The following CASQ2 variants were observed in gnomAD, a reference collection of about 807,000 sequenced individuals.
The protein encoded by CASQ2 is calsequestrin-2.
A neutral mutation model predicts 46.5 loss-of-function variants in CASQ2; 49 were observed. The ratio of observed to expected loss-of-function variants is 1.05; its 90% confidence interval spans 0.84 to 1.34. The LOEUF (loss-of-function observed/expected upper bound fraction) is 1.34, where lower values mean the gene tolerates loss of function less well. Ranked by LOEUF, CASQ2 falls within the 40% of genes most tolerant of loss-of-function variation. The pLI, the probability that CASQ2 is intolerant of heterozygous loss-of-function variation, is 0.00. For missense variants in CASQ2, 486 were observed against 481.3 expected, an observed-to-expected ratio of 1.01 and a Z score of -0.09; for synonymous variants, 174 against 168.5, an observed-to-expected ratio of 1.03 and a Z score of -0.25.
chr1:115,714,443 AG>A (rs1407689036), intron 8 of CASQ2, among the ~76,000 whole-genome samples: 1 of 152,192 alleles, frequency 6.6e-6, no homozygotes, highest in Admixed American at 6.5e-5. Context: ...GTGCTAAATA[AG>A]GTCATCTACA....
intron 8 of CASQ2, among the ~76,000 whole-genome samples, chr1:115,709,472 C>G (rs1654473648): frequency 6.6e-6 from 1 of 152,104 alleles, no homozygotes; most frequent in Non-Finnish European, 1.5e-5. Flanking sequence ...GTAATATAGC[C>G]TATACTTCAA....
intron 8 of CASQ2, among the ~76,000 whole-genome samples, chr1:115,707,274 G>A (rs1293755451): frequency 1.3e-5 from 2 of 152,154 alleles, no homozygotes; most frequent in Non-Finnish European, 1.5e-5. Context: ...AAGTGATCCT[G>A]CCTCAGCTTT....
intron 6 of CASQ2, 118 bp from the exon 7 acceptor site, chr1:115,725,671 G>A (rs1647559837): frequency 7.7e-7 from 1 of 1,303,120 alleles, no homozygotes; most frequent in Admixed American, 2.3e-5. Flanking sequence ...CCTTTGCAAG[G>A]CAGGGAGAGC....
chr1:115,755,214 A>G (rs1335102173), intron 1 of CASQ2, among the ~76,000 whole-genome samples: 2 of 152,250 alleles, frequency 1.3e-5, no homozygotes, highest in East Asian at 3.8e-4. Flanking sequence ...GAATTTTTAA[A>G]GAGTGAATTT....
chr1:115,706,963 T>G (rs1654383167), intron 8 of CASQ2, among the ~76,000 whole-genome samples: 1 of 152,152 alleles, frequency 6.6e-6, no homozygotes, highest in Non-Finnish European at 1.5e-5. Flanking sequence ...TAGCTCACAC[T>G]GAAGATTCAG....
intron 8 of CASQ2, among the ~76,000 whole-genome samples, chr1:115,716,743 G>A (rs1424809273): frequency 6.6e-6 from 1 of 152,212 alleles, no homozygotes; most frequent in Non-Finnish European, 1.5e-5. Context: ...GGCAGCAATC[G>A]TGAAGCTGGC....
In CASQ2 at chr1:115,719,256, T is replaced by C. The variant is rs1647288000; in HGVS notation, c.784-1362A>G. 4.1e-5 allele frequency among the ~76,000 whole-genome samples: 5 copies of C among 121,800 alleles called. No individual in the cohort carries two copies. The South Asian group carries it at 1.4e-3, about 34-fold the overall frequency. 79.9% of individuals were successfully genotyped at this position (121,800 alleles called of 152,430 possible). On this transcript the variant is annotated intron_variant, in intron 7 of 10. Coordinates refer to ENST00000261448, the MANE Select transcript of CASQ2 (RefSeq NM_001232.4). ...AGATACGCATGTGTGTGCCTGTGTG[T>C]GCCGGCTTATTACACAAATCGACAG...
At chr1:115,705,349 G>T in intron 8 of CASQ2, 57 bp from the exon 9 acceptor site, 1 of 1,105,898 alleles carries the variant, frequency 9.0e-7, no homozygotes, top group Non-Finnish European at 1.4e-6. Context: ...CTTCTAATGT[G>T]GAGAGCAGAG....
At chr1:115,707,344 C>A (rs972451103) in intron 8 of CASQ2, among the ~76,000 whole-genome samples, 2 of 152,188 alleles carry the variant, frequency 1.3e-5, no homozygotes, top group African/African-American at 2.4e-5. Context: ...GTCTTTATGG[C>A]CGGTGGCCAC....
intron 8 of CASQ2, among the ~76,000 whole-genome samples, chr1:115,714,910 T>G (rs1570804895): frequency 6.6e-6 from 1 of 152,310 alleles, no homozygotes; most frequent in African/African-American, 2.4e-5. Flanking sequence ...CCAGGGATAT[T>G]TGTGCAGGGA....
At chr1:115,743,000 G>A (rs1648244577) in intron 2 of CASQ2, among the ~76,000 whole-genome samples, 1 of 151,954 alleles carries the variant, frequency 6.6e-6, no homozygotes, top group Admixed American at 6.6e-5. Context: ...GTGTTAGCCA[G>A]GATGGTCTCG....
chr1:115,759,444 T>C (rs1190400307), intron 1 of CASQ2, among the ~76,000 whole-genome samples: 1 of 152,230 alleles, frequency 6.6e-6, no homozygotes, highest in Non-Finnish European at 1.5e-5. Flanking sequence ...CATGATTTCC[T>C]TGCCCACTCC....
rs1553193975 is a variant in CASQ2, at chr1:115,723,321, C to CTATCTATT, written c.783+2186_783+2187insAATAGATA. Among the ~76,000 whole-genome samples the CTATCTATT allele has an allele frequency of 7.2e-5, 11 of 151,898 alleles. No homozygotes were observed. The South Asian group carries it at 1.0e-3, about 14-fold the overall frequency. ...TCTATCTATTTATCTATCTATCTAT[C>CTATCTATT]TATCTATCTATCTATCATCTATCTA... On this transcript the variant is annotated intron_variant, in intron 7 of 10. Transcript: ENST00000261448.
chr1:115,752,921 C>A (rs1648631820), intron 1 of CASQ2, among the ~76,000 whole-genome samples: 1 of 152,148 alleles, frequency 6.6e-6, no homozygotes, highest in South Asian at 2.1e-4. Context: ...GAAAAAGTGA[C>A]ACGTGCAGGT....
intron 7 of CASQ2, among the ~76,000 whole-genome samples, chr1:115,724,197 T>A (rs1647489050): frequency 1.3e-5 from 2 of 152,242 alleles, no homozygotes; most frequent in East Asian, 3.8e-4. Context: ...TGGCTTATAT[T>A]TAAGTTCCAA....
chr1:115,766,872 TA>T (rs757055415), intron 1 of CASQ2, among the ~76,000 whole-genome samples: 9 of 110,328 alleles, frequency 8.2e-5, no homozygotes, highest in African/African-American at 2.4e-4. Flanking sequence ...AGATGATAGA[TA>T]GATAGATAGA....
At chr1:115,764,135 T>C (rs1038789086) in intron 1 of CASQ2, among the ~76,000 whole-genome samples, 1 of 152,114 alleles carries the variant, frequency 6.6e-6, no homozygotes, top group Non-Finnish European at 1.5e-5. Flanking sequence ...AAGAATTTTA[T>C]AGAAAACTTT....
intron 3 of CASQ2, among the ~76,000 whole-genome samples, chr1:115,739,047 GAT>G (rs1648068132): frequency 8.7e-6 from 1 of 115,430 alleles, no homozygotes; most frequent in Non-Finnish European, 1.8e-5. Flanking sequence ...AGTTGCAAAT[GAT>G]AGTTTTCTTT....
intron 8 of CASQ2, among the ~76,000 whole-genome samples, chr1:115,706,512 C>T (rs1654368194): frequency 1.3e-5 from 2 of 152,174 alleles, no homozygotes; most frequent in African/African-American, 2.4e-5. Context: ...GACCCTGGAT[C>T]CCTTGGGATA....
Sources: allele counts gnomAD v4.1 joint callset (sites outside exome capture counted in the v4.1 genomes callset), GRCh38; gene constraint gnomAD v4.1.1; transcripts MANE v1.5; gene names NCBI Gene and HGNC (gene_info 2026-07-23, HGNC 2026-07-21).